The following KDM4C variants were observed in gnomAD, a reference collection of about 807,000 sequenced individuals.
KDM4C encodes lysine demethylase 4C, also known as lysine-specific demethylase 4C.
Under a neutral mutation model 129.3 loss-of-function variants are expected in KDM4C, and 81 were observed. The ratio of observed to expected loss-of-function variants is 0.63; its 90% CI spans 0.52 to 0.75. The LOEUF is 0.75. Among genes scored for constraint, KDM4C ranks in the 30% least tolerant of loss-of-function variants. KDM4C has a pLI of 0.00. For missense variants in KDM4C, 1,457 were observed against 1,304.0 expected (o/e 1.12, Z -1.81); for synonymous variants, 573 against 456.1 (o/e 1.26, Z -3.26).
chr9:7,057,850 G>A (rs2381543), intron 17 of KDM4C, among the ~76,000 whole-genome samples: 1 of 152,136 alleles, frequency 6.6e-6, no homozygotes, highest in Non-Finnish European at 1.5e-5. Flanking sequence ...AGATGAATAG[G>A]TTGATGTTCT....
intron 1 of KDM4C, among the ~76,000 whole-genome samples, chr9:6,791,470 C>T (rs919819831): frequency 6.6e-6 from 1 of 152,122 alleles, no homozygotes; most frequent in Admixed American, 6.6e-5. Flanking sequence ...GAAGACAGAC[C>T]TCATCCCTTT....
At chr9:6,835,726 G>A in intron 4 of KDM4C, 2 of 634,470 alleles carry the variant, frequency 3.2e-6, no homozygotes, top group Non-Finnish European at 5.7e-6. Flanking sequence ...TTAAAAACTG[G>A]AACGGTGAAG....
chr9:6,931,954 G>C (rs1823822592), intron 8 of KDM4C, among the ~76,000 whole-genome samples: 1 of 152,224 alleles, frequency 6.6e-6, no homozygotes, highest in Non-Finnish European at 1.5e-5. Flanking sequence ...AATATGGTCA[G>C]TGCCCTGGCT....
chr9:6,943,878 C>T (rs891136570), intron 8 of KDM4C, among the ~76,000 whole-genome samples: 1 of 151,990 alleles, frequency 6.6e-6, no homozygotes, highest in African/African-American at 2.4e-5. Context: ...TTACAGGGTC[C>T]CCAGATGTTT....
intron 1 of KDM4C, among the ~76,000 whole-genome samples, chr9:6,725,288 G>C (rs1817085218): frequency 6.6e-6 from 1 of 151,372 alleles, no homozygotes; most frequent in South Asian, 2.1e-4. Context: ...CAGCAACTGA[G>C]GGTGAACACA....
intron 17 of KDM4C, among the ~76,000 whole-genome samples, chr9:7,086,158 A>C (rs113077536): frequency 2.7e-5 from 4 of 150,504 alleles, no homozygotes; most frequent in African/African-American, 1.0e-4. Context: ...ACCCCGTCTC[A>C]AAAAAAACAA....
At chr9:7,076,547 A>G in intron 17 of KDM4C, 1 of 1,531,708 alleles carries the variant, frequency 6.5e-7, no homozygotes. Flanking sequence ...CCACTGTTTC[A>G]GATGCTGTTT....
intron 8 of KDM4C, among the ~76,000 whole-genome samples, chr9:6,968,728 T>C (rs1831436601): frequency 6.6e-6 from 1 of 152,188 alleles, no homozygotes; most frequent in African/African-American, 2.4e-5. Context: ...ACCTATGTTA[T>C]TCATTTTCAG....
chr9:7,079,733 A>G (rs1436131809), intron 17 of KDM4C, among the ~76,000 whole-genome samples: 4 of 152,224 alleles, frequency 2.6e-5, no homozygotes, highest in Non-Finnish European at 2.9e-5. Context: ...AATACTTTAT[A>G]TAATAGAGAT....
At chr9:6,824,941 C>T (rs943899426) in intron 4 of KDM4C, among the ~76,000 whole-genome samples, 13 of 151,816 alleles carry the variant, frequency 8.6e-5, no homozygotes, top group Non-Finnish European at 1.3e-4. Context: ...GTCAAGAGTT[C>T]GAGACCAGCC....
At chr9:7,170,220 AT>A in intron 21 of KDM4C, 1 of 1,197,086 alleles carries the variant, frequency 8.4e-7, no homozygotes, top group Non-Finnish European at 1.1e-6. Context: ...GGCATTTGCA[AT>A]CTTGTTAGTA....
chr9:6,796,737 A>G (rs1564025457), intron 2 of KDM4C, among the ~76,000 whole-genome samples: 1 of 152,352 alleles, frequency 6.6e-6, no homozygotes, highest in East Asian at 1.9e-4. Context: ...ATCCTGTGAT[A>G]ATTTCCTATT....
chr9:7,104,044 C>G (rs907375079), intron 18 of KDM4C, 174 bp downstream of exon 18: 1 of 610,060 alleles, frequency 1.6e-6, no homozygotes, highest in South Asian at 2.1e-5. Flanking sequence ...TGGTATTTGC[C>G]TAGGACCTGT....
chr9:7,013,055 G>A (rs1447520248), intron 13 of KDM4C, among the ~76,000 whole-genome samples: 2 of 151,680 alleles, frequency 1.3e-5, no homozygotes, highest in Admixed American at 6.6e-5. Flanking sequence ...TTAAATTTCT[G>A]GGTTTTAACT....
chr9:7,161,164 C>T (rs1843745958), intron 19 of KDM4C, among the ~76,000 whole-genome samples: 1 of 152,214 alleles, frequency 6.6e-6, no homozygotes, highest in Middle Eastern at 3.2e-3. Context: ...CTCCTTTCTG[C>T]TGGTTGCTAA....
At chr9:7,170,120 T>G (rs1844814420) in intron 21 of KDM4C, 1 of 1,409,740 alleles carries the variant, frequency 7.1e-7, no homozygotes, top group Non-Finnish European at 9.4e-7. Flanking sequence ...CACATGATGC[T>G]TCTTTGTGTT....
At chr9:7,027,221 A>G (rs1168599270) in intron 15 of KDM4C, among the ~76,000 whole-genome samples, 1 of 152,182 alleles carries the variant, frequency 6.6e-6, no homozygotes, top group African/African-American at 2.4e-5. Flanking sequence ...GTTTTTACCC[A>G]TTCTCCTTGG....
intron 3 of KDM4C, among the ~76,000 whole-genome samples, chr9:6,810,222 T>G (rs1454025578): frequency 6.6e-6 from 1 of 152,202 alleles, no homozygotes; most frequent in East Asian, 1.9e-4. Context: ...TTTATACATA[T>G]CTCTGTTAAA....
rs1819152391 is a variant in KDM4C at position 6,910,764 on chromosome 9, A to C, written c.921+17532A>C. Reference sequence around the variant, plus strand: ...GTTGCCCAAGAATGTATTTATTTGGATAGTCTTCACAGTGTTGATTGTGAA... The same window carrying C: ...GTTGCCCAAGAATGTATTTATTTGGCTAGTCTTCACAGTGTTGATTGTGAA... On this transcript the variant is annotated intron_variant, in intron 8 of 21. Transcript: ENST00000381309. 2.0e-5 allele frequency among the ~76,000 whole-genome samples: 3 copies of C among 152,228 alleles called. No homozygotes were observed. The South Asian group carries it at 6.2e-4, about 31-fold the overall frequency.
Sources: allele counts gnomAD v4.1 joint callset (sites outside exome capture counted in the v4.1 genomes callset), GRCh38; gene constraint gnomAD v4.1.1; transcripts MANE v1.5; gene names NCBI Gene and HGNC (gene_info 2026-07-23, HGNC 2026-07-21).